Variants in DPYD observed in about 807,000 individuals in gnomAD.
DPYD encodes the protein dihydropyrimidine dehydrogenase.
In DPYD, 109 loss-of-function variants were observed where a neutral mutation model predicts 116.2. The ratio of observed to expected loss-of-function variants is 0.94; its 90% CI spans 0.80 to 1.10. The LOEUF is 1.10. Among genes scored for constraint, DPYD ranks in the 50% least tolerant of loss-of-function variants. The pLI is 0.00. For synonymous variants in DPYD, 440 were observed against 432.0 expected, an observed-to-expected ratio of 1.02 and a Z score of -0.23; for missense variants, 1,302 against 1,254.5, an observed-to-expected ratio of 1.04 and a Z score of -0.57.
chr1:97,262,250 A>G (rs1271394493), intron 18 of DPYD, among the ~76,000 whole-genome samples: 1 of 152,014 alleles, frequency 6.6e-6, no homozygotes, highest in Non-Finnish European at 1.5e-5. Context: ...CTTTACGCAC[A>G]CTGGGCATGA....
chr1:97,831,605 T>A (rs1157950126), intron 2 of DPYD, among the ~76,000 whole-genome samples: 1 of 152,028 alleles, frequency 6.6e-6, no homozygotes, highest in African/African-American at 2.4e-5. Flanking sequence ...TTCAAAAAAA[T>A]TATCCATGGT....
intron 1 of DPYD, among the ~76,000 whole-genome samples, chr1:97,913,731 G>A (rs1304557790): frequency 6.6e-6 from 1 of 152,092 alleles, no homozygotes; most frequent in East Asian, 1.9e-4. Flanking sequence ...ATTCTGTGTA[G>A]GTACACTGAG....
At chr1:97,712,936 C>T (rs1298817670) in intron 5 of DPYD, among the ~76,000 whole-genome samples, 1 of 152,062 alleles carries the variant, frequency 6.6e-6, no homozygotes. Context: ...GTTTTTGGCA[C>T]TTAAGTTTAT....
chr1:97,394,723 T>C (rs1453027692), intron 14 of DPYD, among the ~76,000 whole-genome samples: 3 of 151,874 alleles, frequency 2.0e-5, no homozygotes, highest in African/African-American at 7.3e-5. Flanking sequence ...AAAAAAGCAA[T>C]ATTGCAATAA....
rs185609874 is a variant in DPYD at position 97,876,264 on chromosome 1, G to A, written c.150+7000C>T. On this transcript the variant is annotated intron_variant, in intron 2 of 22. Coordinates refer to ENST00000370192, the MANE Select transcript of DPYD (RefSeq NM_000110.4). Reference sequence around the variant, plus strand: ...CCAAATCCATCTGGGTCGCTACTGCGGTTTTGCAGTTGCTACTGAAGTTTA... The same window carrying A: ...CCAAATCCATCTGGGTCGCTACTGCAGTTTTGCAGTTGCTACTGAAGTTTA... 2.4e-3 allele frequency among the ~76,000 whole-genome samples: 370 copies of A among 152,028 alleles called. 1 individual carries two copies. Among genetic ancestry groups the A allele is most frequent in the South Asian group, 5.2e-3 (25 of 4,820 alleles).
In DPYD at chr1:97,078,472, C is replaced by G. The variant is rs1648935559; in HGVS notation, c.*504G>C. ...CCATAGCAAATAATTTTTTGACTTTCTTCATTTGTACTTTATGGAGCTAAC... is the reference window on the plus strand; with the variant it reads ...CCATAGCAAATAATTTTTTGACTTTGTTCATTTGTACTTTATGGAGCTAAC... On this transcript the variant is annotated 3_prime_UTR_variant, in exon 23 of 23. Transcript: ENST00000370192. 1 of 170,026 alleles carries G rather than the reference C, an allele frequency of 5.9e-6. No homozygotes were observed. The highest frequency in any genetic ancestry group is 1.3e-5 in the Non-Finnish European group (1 of 78,418). The allele number at this position is 170,026 out of a possible 1,614,324, so 10.5% of individuals were successfully genotyped here.
rs137940293 is a variant in DPYD, at chr1:97,918,336, C to T, written c.39+2548G>A. Among the ~76,000 whole-genome samples, 1,339 of 152,156 alleles carry T rather than the reference C, an allele frequency of 8.8e-3. 23 individuals are homozygous for T. Among genetic ancestry groups the T allele is most frequent in the African/African-American group, 0.031 (1,287 of 41,486 alleles). ...CCAAACACACAGCTTAAAGTTAGAC[C>T]TCAATCAGAGGCAGTTGGTTTCAGA... is the stretch of plus-strand genomic sequence containing the variant. On this transcript the variant is annotated intron_variant, in intron 1 of 22. Transcript: ENST00000370192.
At position 97,256,180 on chromosome 1, in the gene DPYD, C is replaced by A. The variant is rs530611702; in HGVS notation, c.2300-21186G>T. The stretch of plus-strand genomic sequence containing the variant: ...TCCCTCCAGGATGTCTTTTATTGCC[C>A]GCTAATAAAAGCGCTAGTAAAACAT... On this transcript the variant is annotated intron_variant, in intron 18 of 22. Coordinates refer to ENST00000370192, the MANE Select transcript of DPYD (RefSeq NM_000110.4). 2.5e-4 allele frequency among the ~76,000 whole-genome samples: 38 copies of A among 152,106 alleles called. No homozygotes were observed. The East Asian group carries it at 6.2e-3, about 25-fold the overall frequency.
intron 2 of DPYD, among the ~76,000 whole-genome samples, chr1:97,861,745 C>T (rs1671128029): frequency 2.0e-5 from 3 of 151,766 alleles, no homozygotes; most frequent in African/African-American, 4.8e-5. Flanking sequence ...TTTTACACCC[C>T]AACGTGAACC....
chr1:97,523,565 G>A (rs575466822), intron 12 of DPYD, among the ~76,000 whole-genome samples: 1 of 151,858 alleles, frequency 6.6e-6, no homozygotes, highest in Non-Finnish European at 1.5e-5. Flanking sequence ...TTGTGATCTG[G>A]GCCCTTCTCC....
chr1:97,476,968 GATC>G (rs1334310877), intron 13 of DPYD, among the ~76,000 whole-genome samples: 1 of 152,172 alleles, frequency 6.6e-6, no homozygotes, highest in Non-Finnish European at 1.5e-5. Context: ...AACTGCTAAT[GATC>G]ATCTGAGCCT....
At chr1:97,705,028 T>A (rs1486107357) in intron 5 of DPYD, among the ~76,000 whole-genome samples, 1 of 152,054 alleles carries the variant, frequency 6.6e-6, no homozygotes, top group Admixed American at 6.6e-5. Flanking sequence ...CCCTCCTTTA[T>A]GGAGGTACAA....
intron 4 of DPYD, among the ~76,000 whole-genome samples, chr1:97,732,017 T>C (rs1663643598): frequency 6.6e-6 from 1 of 152,134 alleles, no homozygotes; most frequent in Non-Finnish European, 1.5e-5. Context: ...AGATGTATAA[T>C]AAAAATCCTT....
At chr1:97,571,100 A>C (rs903950400) in intron 11 of DPYD, among the ~76,000 whole-genome samples, 3 of 152,078 alleles carry the variant, frequency 2.0e-5, no homozygotes, top group Non-Finnish European at 2.9e-5. Flanking sequence ...GATAAATGAA[A>C]GAATGAACAA....
intron 18 of DPYD, among the ~76,000 whole-genome samples, chr1:97,246,264 G>T (rs1662712513): frequency 6.6e-6 from 1 of 152,098 alleles, no homozygotes; most frequent in South Asian, 2.1e-4. Context: ...CATGGCTGTT[G>T]CTCAAAGGCA....
At chr1:97,540,910 G>A (rs1270586957) in intron 12 of DPYD, among the ~76,000 whole-genome samples, 1 of 152,128 alleles carries the variant, frequency 6.6e-6, no homozygotes, top group Non-Finnish European at 1.5e-5. Flanking sequence ...CCAGGAAACA[G>A]GGTAAAGATG....
At position 97,670,128 on chromosome 1, in the gene DPYD, C is replaced by T. The variant is rs994364494; in HGVS notation, c.850+8967G>A. On this transcript the variant is annotated intron_variant, in intron 8 of 22. Coordinates refer to ENST00000370192, the MANE Select transcript of DPYD (RefSeq NM_000110.4). ...GGGAAGGGTTGTGTACTGTGATGTT[C>T]CAAAAGTCTTCTTGACAATATCCAC... is the stretch of plus-strand genomic sequence containing the variant. Among the ~76,000 whole-genome samples, 12 of 152,202 alleles carry T rather than the reference C, an allele frequency of 7.9e-5. No homozygotes were observed. The East Asian group carries it at 2.1e-3, about 27-fold the overall frequency.
intron 18 of DPYD, among the ~76,000 whole-genome samples, chr1:97,291,404 A>T (rs1310539973): frequency 2.0e-5 from 3 of 151,988 alleles, no homozygotes; most frequent in Non-Finnish European, 4.4e-5. Flanking sequence ...TTATTGTGGC[A>T]CTATTCACAA....
At chr1:97,095,041 T>C (rs992161731) in intron 21 of DPYD, among the ~76,000 whole-genome samples, 2 of 152,176 alleles carry the variant, frequency 1.3e-5, no homozygotes, top group Middle Eastern at 3.2e-3. Flanking sequence ...TAATTTTGTT[T>C]TGTAGAAGTG....
Sources: gnomAD v4.1 joint callset for allele counts (sites outside exome capture counted in the v4.1 genomes callset) on GRCh38, gnomAD v4.1.1 for gene constraint, MANE v1.5 for transcripts, NCBI Gene and HGNC (gene_info 2026-07-23, HGNC 2026-07-21) for gene names.